PCARE: variants seen among roughly 807,000 people sequenced by gnomAD.
The protein encoded by PCARE is uncharacterized protein C2orf71.
A neutral mutation model predicts 82.2 loss-of-function variants in PCARE; 72 were observed. The observed-to-expected ratio is 0.88, with a 90% CI of 0.72 to 1.07. The LOEUF (loss-of-function observed/expected upper bound fraction) is 1.07, where lower values mean the gene tolerates loss of function less well. PCARE is among the 50% of genes least tolerant of loss of function. The pLI is 0.00. For synonymous variants in PCARE, 705 were observed against 634.8 expected (o/e 1.11, Z -1.66); for missense variants, 1,768 against 1,592.4 (o/e 1.11, Z -1.88).
rs766251145 is a variant in PCARE, at chr2:29,071,703, C to T, written c.2559G>A (p.Lys853=). 2.5e-6 allele frequency: 4 copies of T among 1,614,136 alleles called. No homozygotes were observed. Among genetic ancestry groups the T allele is most frequent in the East Asian group, 4.5e-5 (2 of 44,878 alleles). The change falls in exon 1 of 2, where the codon AAG becomes AAA. Residue 853 remains lysine, a synonymous_variant. Coordinates refer to ENST00000331664, the MANE Select transcript of PCARE (RefSeq NM_001029883.3). ...FASLESPESS[K]STENSPKETQ... is the part of the protein sequence containing the mutation. ...TTTCCTTGGGGGAGTTCTCTGTGGACTTGCTGCTTTCTGGGGACTCCAGAG... is the reference window on the plus strand; with the variant it reads ...TTTCCTTGGGGGAGTTCTCTGTGGATTTGCTGCTTTCTGGGGACTCCAGAG...
intron 1 of PCARE, among the ~76,000 whole-genome samples, chr2:29,066,307 A>G (rs1376326502): frequency 1.3e-5 from 2 of 152,138 alleles, no homozygotes; most frequent in African/African-American, 4.8e-5. Flanking sequence ...ATGGAGCTGC[A>G]TTGTTGAATG....
rs756312779 is a variant in PCARE at position 29,070,801 on chromosome 2, C to G, written c.3461G>C (p.Gly1154Ala). ...TPPSLPPEAG[G>A]PLGNPAECWK... ...GCATTCTGCTGGGTTCCCGAGAGGGCCCCCAGCCTCTGGCGGCAGCGATGG... is the reference window on the plus strand; with the variant it reads ...GCATTCTGCTGGGTTCCCGAGAGGGGCCCCAGCCTCTGGCGGCAGCGATGG... Residue 1154 changes from glycine to alanine, a missense_variant, in exon 1 of 2, where the codon GGC becomes GCC. By Grantham distance (60) the Gly-to-Ala change is moderately conservative. Transcript: ENST00000331664. 1.4e-5 allele frequency: 22 copies of G among 1,613,948 alleles called. No individual in the cohort carries two copies. Among genetic ancestry groups the G allele is most frequent in the African/African-American group, 8.0e-5 (6 of 74,914 alleles).
rs757759304 is a variant in PCARE, at chr2:29,071,281, G to A, written c.2981C>T (p.Ala994Val). Reference protein sequence around the residue: ...RERSPPVGRKASPTRTHWVPQ... With the variant: ...RERSPPVGRKVSPTRTHWVPQ... ...CACCCAGTGTGTCCTCGTGGGAGAG[G>A]CCTTTCTGCCCACAGGGGGGCTTCT... is the stretch of plus-strand genomic sequence containing the variant. Residue 994 changes from alanine to valine, a missense_variant, in exon 1 of 2, where the codon GCC (alanine) becomes GTC (valine). Ala to Val is a moderately conservative substitution (Grantham distance 64). Coordinates refer to ENST00000331664, the MANE Select transcript of PCARE (RefSeq NM_001029883.3). 4 of 1,613,414 alleles carry A rather than the reference G, an allele frequency of 2.5e-6. No homozygotes were observed. The highest frequency in any genetic ancestry group is 3.4e-6 in the Non-Finnish European group (4 of 1,179,934).
rs1237600907 is a variant in PCARE at position 29,071,434 on chromosome 2, T to G, written c.2828A>C (p.Gln943Pro). The part of the protein sequence containing the change: ...SPEVKGGTWS[Q>P]AEKATSLYRQ... ...GTAGAGGCTGGTGGCCTTCTCTGCCTGACTCCAAGTCCCACCCTTCACCTC... is the reference window on the plus strand; with the variant it reads ...GTAGAGGCTGGTGGCCTTCTCTGCCGGACTCCAAGTCCCACCCTTCACCTC... The change falls in exon 1 of 2, where the codon CAG (glutamine) becomes CCG (proline). Residue 943 changes from glutamine to proline, a missense_variant. Gln to Pro is a moderately conservative substitution (Grantham distance 76). Transcript: ENST00000331664. The G allele has an allele frequency of 3.1e-6, 5 of 1,613,172 alleles. No individual in the cohort carries two copies. The Admixed American group carries it at 6.7e-5, about 22-fold the overall frequency.
intron 1 of PCARE, among the ~76,000 whole-genome samples, chr2:29,068,026 A>G (rs1667415842): frequency 6.6e-6 from 1 of 152,226 alleles, no homozygotes; most frequent in South Asian, 2.1e-4. Context: ...TTAAAATGTT[A>G]GTGTTTTTAA....
chr2:29,070,580 A>G lies in PCARE; in HGVS notation c.3668+14T>C, dbSNP rs72861052. 67,750 of 1,613,736 alleles carry G rather than the reference A, an allele frequency of 0.042. 1,910 individuals carry two copies. The highest frequency in any genetic ancestry group is 0.14 in the African/African-American group (10,739 of 74,998). ...CAAGCCGCTGAAGGGCAGTGACCCC[A>G]GGACACTCCTTACCTGTTCTGGCCG... On this transcript the variant is annotated intron_variant, in intron 1 of 1. Transcript: ENST00000331664.
Position 29,064,758 on chromosome 2 carries a change from C to A in PCARE, c.*111G>T. ...GTGCACCTTCCAGGCCTTTCCAGGA[C>A]ACCTCAGTAGGAGTTTGGTTTGCCC... On this transcript the variant is annotated 3_prime_UTR_variant, in exon 2 of 2. Transcript: ENST00000331664. The A allele has an allele frequency of 7.0e-7, 1 of 1,423,504 alleles. No individual in the cohort carries two copies. Among genetic ancestry groups the A allele is most frequent in the Non-Finnish European group, 9.7e-7 (1 of 1,034,322 alleles). 88.2% of individuals were successfully genotyped at this position (1,423,504 alleles called of 1,614,324 possible).
Position 29,073,811 on chromosome 2 carries a change from A to G in PCARE, c.451T>C (p.Cys151Arg). The G allele has an allele frequency of 6.2e-7, 1 of 1,614,058 alleles. No homozygotes were observed. ...TGGCTCTGTGTGCTTGACGTGTGACATTTTGCTGTCCTTTTCCATTTGGAA... is the reference window on the plus strand; with the variant it reads ...TGGCTCTGTGTGCTTGACGTGTGACGTTTTGCTGTCCTTTTCCATTTGGAA... ...DTSKWKRTAKCHTSSTQSHCY... is the reference protein window; with the variant it reads ...DTSKWKRTAKRHTSSTQSHCY... Residue 151 changes from cysteine to arginine, a missense_variant, in exon 1 of 2, where the codon TGT becomes CGT. By Grantham distance (180) the Cys-to-Arg change is radical. Transcript: ENST00000331664.
At chr2:29,069,128 A>G (rs923744438) in intron 1 of PCARE, among the ~76,000 whole-genome samples, 1 of 152,252 alleles carries the variant, frequency 6.6e-6, no homozygotes, top group Non-Finnish European at 1.5e-5. Flanking sequence ...GAATCCGGTC[A>G]TCTTATATTA....
rs1667520751 is a variant in PCARE at position 29,073,006 on chromosome 2, A to G, written c.1256T>C (p.Met419Thr). Residue 419 changes from methionine (M) to threonine (T), a missense_variant, in exon 1 of 2, where the codon ATG becomes ACG. Coordinates refer to ENST00000331664, the MANE Select transcript of PCARE (RefSeq NM_001029883.3). ...PQDCLLSGAPMAKVQPRAQDE... is the reference protein window; with the variant it reads ...PQDCLLSGAPTAKVQPRAQDE... The stretch of plus-strand genomic sequence containing the variant: ...CTGTGCTCGTGGCTGAACCTTTGCC[A>G]TAGGAGCCCCTGAGAGCAGGCAGTC... The G allele has an allele frequency of 6.2e-7, 1 of 1,614,124 alleles. No individual in the cohort carries two copies. The highest frequency in any genetic ancestry group is 1.1e-5 in the South Asian group (1 of 91,074).
At chr2:29,068,184 GA>G in intron 1 of PCARE, among the ~76,000 whole-genome samples, 1 of 152,302 alleles carries the variant, frequency 6.6e-6, no homozygotes, top group East Asian at 1.9e-4. Context: ...TGTACTGTAG[GA>G]AGCTCATTTT....
Position 29,073,437 on chromosome 2 carries a change from GACTGTGT to G in PCARE, c.818_824del (p.Tyr273SerfsTer37). 6.2e-7 allele frequency: 1 copy of G among 1,614,168 alleles called. No homozygotes were observed. Among genetic ancestry groups the G allele is most frequent in the Non-Finnish European group, 8.5e-7 (1 of 1,180,036 alleles). On this transcript the variant is annotated frameshift_variant, in exon 1 of 2. Coordinates refer to ENST00000331664, the MANE Select transcript of PCARE (RefSeq NM_001029883.3). LOFTEE classifies it high-confidence loss of function. The stretch of plus-strand genomic sequence containing the variant: ...TGCCATTGAGCACCTGCAGCTTGCT[GACTGTGT>G]ACTGTAGCAGCTGTTGCAGGAGATT...
rs771198527 is a variant in PCARE at position 29,071,175 on chromosome 2, G to A, written c.3087C>T (p.Pro1029=). ...AQPSPSAVQT[P]PSPPVSPRVL... is the part of the protein sequence containing the mutation. ...CCCTGGGGCTCACAGGTGGGCTGGG[G>A]GGCGTCTGCACAGCAGAGGGGCTTG... Residue 1029 remains proline, a synonymous_variant, in exon 1 of 2, where the codon CCC becomes CCT. Transcript: ENST00000331664. 2.5e-6 allele frequency: 4 copies of A among 1,584,074 alleles called. No individual in the cohort carries two copies. The African/African-American group carries it at 5.4e-5, about 21-fold the overall frequency.
intron 1 of PCARE, among the ~76,000 whole-genome samples, chr2:29,068,456 C>G (rs895539496): frequency 1.3e-5 from 2 of 152,190 alleles, no homozygotes; most frequent in Admixed American, 1.3e-4. Context: ...GCAAAGATAG[C>G]AAGGACCGAT....
At position 29,064,905 on chromosome 2, in the gene PCARE, C is replaced by T; in HGVS notation, c.3831G>A (p.Gln1277=). 1 of 1,612,018 alleles carries T rather than the reference C, an allele frequency of 6.2e-7. No homozygotes were observed. Among genetic ancestry groups the T allele is most frequent in the South Asian group, 1.1e-5 (1 of 90,938 alleles). Residue 1277 remains glutamine (Q), a synonymous_variant, in exon 2 of 2, where the codon CAG becomes CAA. Transcript: ENST00000331664. ...PRTGHIQDKS[Q]PEAQPQQEEV... ...CCTCTTGCTGGGGCTGCGCCTCTGGCTGGGATTTGTCCTGGATGTGGCCGG... is the reference window on the plus strand; with the variant it reads ...CCTCTTGCTGGGGCTGCGCCTCTGGTTGGGATTTGTCCTGGATGTGGCCGG...
At position 29,072,221 on chromosome 2, in the gene PCARE, C is replaced by A. The variant is rs201383622; in HGVS notation, c.2041G>T (p.Asp681Tyr). 5.5e-5 allele frequency: 88 copies of A among 1,614,132 alleles called. 1 individual carries two copies. Among genetic ancestry groups the A allele is most frequent in the Non-Finnish European group, 3.2e-5 (38 of 1,180,060 alleles). The change falls in exon 1 of 2, where the codon GAC (aspartate) becomes TAC (tyrosine). Residue 681 changes from aspartate (D) to tyrosine (Y), a missense_variant. Coordinates refer to ENST00000331664, the MANE Select transcript of PCARE (RefSeq NM_001029883.3). The stretch of plus-strand genomic sequence containing the variant: ...TTGCATTTCTGCAAGATGCTCTTGT[C>A]CTGACTAGGCAAAATACTGAAGTTC... ...TKNFSILPSQ[D>Y]KSILQKCNPH...
chr2:29,072,428 G>A lies in PCARE; in HGVS notation c.1834C>T (p.Leu612=), dbSNP rs1667507769. ...SHVEDPTFQE[L]RRVQRDLSQK... is the part of the protein sequence containing the mutation. Reference sequence around the variant, plus strand: ...CTGAGGTCCCTCTGGACCCTTCGCAGCTCCTGAAAGGTGGGGTCCTCCACG... The same window carrying A: ...CTGAGGTCCCTCTGGACCCTTCGCAACTCCTGAAAGGTGGGGTCCTCCACG... Residue 612 remains leucine, a synonymous_variant, in exon 1 of 2, where the codon CTG becomes TTG. Coordinates refer to ENST00000331664, the MANE Select transcript of PCARE (RefSeq NM_001029883.3). 1 of 1,614,182 alleles carries A rather than the reference G, an allele frequency of 6.2e-7. No homozygotes were observed.
At position 29,072,780 on chromosome 2, in the gene PCARE, T is replaced by TTCC. The variant is rs757209597; in HGVS notation, c.1479_1481dup (p.Glu494dup). On this transcript the variant is annotated inframe_insertion, in exon 1 of 2. Transcript: ENST00000331664. The stretch of plus-strand genomic sequence containing the variant: ...ACAGACTCATGCTGCTCATTTTGTC[T>TTCC]TCCTCCTCCTCCTCTGGGCTGCTGT... The TTCC allele has an allele frequency of 1.9e-6, 3 of 1,610,772 alleles. No individual in the cohort carries two copies. Among genetic ancestry groups the TTCC allele is most frequent in the South Asian group, 2.2e-5 (2 of 91,002 alleles).
chr2:29,067,900 A>G (rs1449196942), intron 1 of PCARE, among the ~76,000 whole-genome samples: 1 of 152,174 alleles, frequency 6.6e-6, no homozygotes, highest in Non-Finnish European at 1.5e-5. Flanking sequence ...CCAAGTATTG[A>G]GATTCAGGAC....
Sources: gnomAD v4.1 joint callset for allele counts (sites outside exome capture counted in the v4.1 genomes callset) on GRCh38, gnomAD v4.1.1 for gene constraint, MANE v1.5 for transcripts, NCBI Gene and HGNC (gene_info 2026-07-23, HGNC 2026-07-21) for gene names.